PARP9: variants seen among roughly 807,000 people sequenced by gnomAD.
The protein encoded by PARP9 is protein mono-ADP-ribosyltransferase PARP9.
A neutral mutation model predicts 68.8 loss-of-function variants in PARP9; 48 were observed. That is an observed-to-expected ratio of 0.70 (90% CI 0.55 to 0.89). The LOEUF is 0.89. Ranked by LOEUF, PARP9 falls within the 40% of genes least tolerant of loss-of-function variation. The pLI, the probability that PARP9 is intolerant of heterozygous loss-of-function variation, is 0.00. For synonymous variants in PARP9, 309 were observed against 333.8 expected, an observed-to-expected ratio of 0.93 and a Z score of 0.81; for missense variants, 806 against 969.3, an observed-to-expected ratio of 0.83 and a Z score of 2.24.
At chr3:122,562,531 T>A (rs1435684986) in intron 1 of PARP9, among the ~76,000 whole-genome samples, 1 of 152,178 alleles carries the variant, frequency 6.6e-6, no homozygotes, top group African/African-American at 2.4e-5. Context: ...TGTACCTAGT[T>A]TGACATTTTA....
chr3:122,540,358 T>C, intron 8 of PARP9, 114 bp downstream of exon 8: 1 of 1,310,794 alleles, frequency 7.6e-7, no homozygotes, highest in Non-Finnish European at 1.0e-6. Flanking sequence ...ACCAGAATGT[T>C]TGATCCCTCC....
chr3:122,556,303 G>A (rs2079661304), intron 3 of PARP9, among the ~76,000 whole-genome samples, 182 bp from the exon 4 acceptor site: 1 of 151,942 alleles, frequency 6.6e-6, no homozygotes, highest in South Asian at 2.1e-4. Context: ...TTAGACCACG[G>A]ACATCTAAGA....
At chr3:122,531,585 G>A (rs953201011) in intron 10 of PARP9, among the ~76,000 whole-genome samples, 7 of 152,044 alleles carry the variant, frequency 4.6e-5, no homozygotes, top group African/African-American at 7.2e-5. Flanking sequence ...GTGAAACCCC[G>A]TATAACTGTA....
At chr3:122,556,975 C>T (rs79523291) in intron 3 of PARP9, among the ~76,000 whole-genome samples, 22,049 of 152,150 alleles carry the variant, frequency 0.14, 1,678 homozygotes, top group Middle Eastern at 0.3. Context: ...CAGCACTACA[C>T]CCACACCATC....
chr3:122,556,173 A>AAAAAAAAAAAAAAT, intron 3 of PARP9, 52 bp from the exon 4 acceptor site: 1 of 1,160,264 alleles, frequency 8.6e-7, no homozygotes, highest in Non-Finnish European at 1.2e-6. Flanking sequence ...AAAAAAAAAA[A>AAAAAAAAAAAAAAT]GCACAGTTTG....
At position 122,555,516 on chromosome 3, in the gene PARP9, T is replaced by A; in HGVS notation, c.655A>T (p.Thr219Ser). ...FQFPLNLCTK[T>S]IVETIRVSLQ... ...CTAACCCGGATAGTCTCTACAATAG[T>A]CTTTGTACACAAATTCAGAGGGAAC... The change falls in exon 4 of 11, where the codon ACT becomes TCT. Residue 219 changes from threonine (T) to serine (S), a missense_variant. Coordinates refer to ENST00000682323, the MANE Select transcript of PARP9 (RefSeq NM_001146105.2). 1 of 1,614,188 alleles carries A rather than the reference T, an allele frequency of 6.2e-7. No individual in the cohort carries two copies.
rs145701388 is a variant in PARP9, at chr3:122,545,178, A to G, written c.1384+254T>C. ...CCTTGGGAAAAAATTATAGATATCT[A>G]TTTATGAATCAACCACCCACATCTT... is the stretch of plus-strand genomic sequence containing the variant. On this transcript the variant is annotated intron_variant, in intron 7 of 10. Coordinates refer to ENST00000682323, the MANE Select transcript of PARP9 (RefSeq NM_001146105.2). Among the ~76,000 whole-genome samples, 8 of 152,328 alleles carry G rather than the reference A, an allele frequency of 5.3e-5. No individual in the cohort carries two copies. The East Asian group carries it at 1.3e-3, about 26-fold the overall frequency.
intron 10 of PARP9, chr3:122,532,884 G>A (rs2077402858): frequency 6.6e-6 from 1 of 152,274 alleles, no homozygotes; most frequent in Non-Finnish European, 1.5e-5. Flanking sequence ...AATGGCTGCA[G>A]TCTTGAGGAA....
At chr3:122,530,162 G>A (rs2077209127) in intron 10 of PARP9, among the ~76,000 whole-genome samples, 3 of 111,382 alleles carry the variant, frequency 2.7e-5, no homozygotes, top group African/African-American at 7.1e-5. Flanking sequence ...GGGTGACAAA[G>A]CAAGGCCCTG....
At chr3:122,530,629 T>C (rs1056398602) in intron 10 of PARP9, among the ~76,000 whole-genome samples, 8 of 152,250 alleles carry the variant, frequency 5.3e-5, no homozygotes, top group African/African-American at 1.9e-4. Context: ...AAAAAAATTA[T>C]ACCTTCTTTG....
At chr3:122,535,671 G>A (rs2077581672) in intron 10 of PARP9, 1 of 987,642 alleles carries the variant, frequency 1.0e-6, no homozygotes, top group Admixed American at 6.1e-5. Flanking sequence ...ATCTTAAGAT[G>A]TTATGCACTT....
intron 8 of PARP9, among the ~76,000 whole-genome samples, chr3:122,539,519 CTTTCTTTCTTTCTTTCTTTCTTT>C (rs1194508682): frequency 3.5e-5 from 1 of 28,172 alleles, no homozygotes; most frequent in Non-Finnish European, 8.5e-5. Context: ...TTCTTTCTTT[CTTTCTTTCTTTCTTTCTTTCTTT>C]CTTTCTTTCT....
At chr3:122,539,626 T>C (rs1217206960) in intron 8 of PARP9, among the ~76,000 whole-genome samples, 1 of 151,706 alleles carries the variant, frequency 6.6e-6, no homozygotes, top group South Asian at 2.1e-4. Context: ...AATGGTTCGA[T>C]CTTGGTTCAC....
At chr3:122,534,862 C>A (rs2077532814) in intron 10 of PARP9, 1 of 907,180 alleles carries the variant, frequency 1.1e-6, no homozygotes, top group Non-Finnish European at 1.3e-6. Context: ...AGTGACAGAG[C>A]AAGACTCCGT....
In PARP9 at chr3:122,555,933, T is replaced by C. The variant is rs1272146378; in HGVS notation, c.238A>G (p.Thr80Ala). 6.2e-7 allele frequency: 1 copy of C among 1,613,444 alleles called. No individual in the cohort carries two copies. The highest frequency in any genetic ancestry group is 1.7e-5 in the Admixed American group (1 of 59,932). ...CAGACTGATAACTCTATCCTAGGAGTCAGCATTTTTCTGAACACTTGCAGA... is the reference window on the plus strand; with the variant it reads ...CAGACTGATAACTCTATCCTAGGAGCCAGCATTTTTCTGAACACTTGCAGA... ...KSLQVFRKML[T>A]PRIELSVWKD... The change falls in exon 4 of 11, where the codon ACT becomes GCT. Residue 80 changes from threonine (T) to alanine (A), a missense_variant. Coordinates refer to ENST00000682323, the MANE Select transcript of PARP9 (RefSeq NM_001146105.2).
At position 122,540,629 on chromosome 3, in the gene PARP9, G is replaced by A. The variant is rs1353886055; in HGVS notation, c.1608C>T (p.Val536=). The A allele has an allele frequency of 6.2e-7, 1 of 1,614,146 alleles. No homozygotes were observed. Among genetic ancestry groups the A allele is most frequent in the South Asian group, 1.1e-5 (1 of 91,074 alleles). ...ILSQLQKTSS[V]SITEIISPGR... is the part of the protein sequence containing the mutation. ...CTGGGCTGATAATTTCTGTGATGGAGACACTTGAAGTTTTCTGAAGCTGAG... is the reference window on the plus strand; with the variant it reads ...CTGGGCTGATAATTTCTGTGATGGAAACACTTGAAGTTTTCTGAAGCTGAG... Residue 536 remains valine (V), a synonymous_variant, in exon 8 of 11, where the codon GTC becomes GTT. Coordinates refer to ENST00000682323, the MANE Select transcript of PARP9 (RefSeq NM_001146105.2).
At chr3:122,558,368 T>G (rs746680982) in intron 3 of PARP9, 66 bp downstream of exon 3, 2 of 1,614,158 alleles carry the variant, frequency 1.2e-6, no homozygotes, top group Non-Finnish European at 1.7e-6. Context: ...GTATTCCCCT[T>G]TCTCCACTGA....
intron 4 of PARP9, among the ~76,000 whole-genome samples, chr3:122,553,210 C>A (rs1007130207): frequency 1.3e-5 from 2 of 152,144 alleles, no homozygotes; most frequent in African/African-American, 2.4e-5. Flanking sequence ...ACTCACCCAC[C>A]CATCTTATGT....
intron 10 of PARP9, chr3:122,535,170 T>TTATATA: frequency 1.0e-6 from 1 of 985,368 alleles, no homozygotes; most frequent in Non-Finnish European, 1.2e-6. Context: ...CAAATGGAAA[T>TTATATA]TATAGATTTT....
Sources: gnomAD v4.1 joint callset for allele counts (sites outside exome capture counted in the v4.1 genomes callset) on GRCh38, gnomAD v4.1.1 for gene constraint, MANE v1.5 for transcripts, NCBI Gene and HGNC (gene_info 2026-07-23, HGNC 2026-07-21) for gene names.